NOL9: variants seen among roughly 807,000 people sequenced by gnomAD.
The protein encoded by NOL9 is nucleolar protein 9.
Under a neutral mutation model 67.9 loss-of-function variants are expected in NOL9, and 28 were observed. The ratio of observed to expected loss-of-function variants is 0.41; its 90% confidence interval spans 0.31 to 0.57. NOL9 has a LOEUF of 0.57. NOL9 is among the 20% of genes least tolerant of loss of function. The pLI is 0.25. For missense variants in NOL9, 777 were observed against 897.0 expected (o/e 0.87, Z 1.71); for synonymous variants, 356 against 352.2 (o/e 1.01, Z -0.12).
intron 9 of NOL9, 96 bp downstream of exon 9, chr1:6,531,872 A>C: frequency 1.2e-6 from 1 of 859,352 alleles, no homozygotes; most frequent in Non-Finnish European, 2.0e-6. Flanking sequence ...TAAATGAGCG[A>C]GGAGTTATGT....
rs375170298 is a variant in NOL9, at chr1:6,527,588, A to C, written c.1826-759T>G. On this transcript the variant is annotated intron_variant, in intron 10 of 11. Coordinates refer to ENST00000377705, the MANE Select transcript of NOL9 (RefSeq NM_024654.5). The stretch of plus-strand genomic sequence containing the variant: ...CTTGAACTCGGGAGGCAGAGGTTGC[A>C]GTGAGCCCAAATAGAGAGAGACTTT... Among the ~76,000 whole-genome samples the C allele has an allele frequency of 1.3e-4, 19 of 151,044 alleles. No homozygotes were observed. The East Asian group carries it at 2.1e-3, about 17-fold the overall frequency.
chr1:6,531,630 G>A (rs904606178), intron 9 of NOL9, among the ~76,000 whole-genome samples: 1 of 152,092 alleles, frequency 6.6e-6, no homozygotes, highest in Admixed American at 6.6e-5. Flanking sequence ...CGGAAAAGTG[G>A]AAGTGCTGGA....
chr1:6,524,350 C>T lies in NOL9; in HGVS notation c.*1504G>A, dbSNP rs996116760. On this transcript the variant is annotated 3_prime_UTR_variant, in exon 12 of 12. Transcript: ENST00000377705. The stretch of plus-strand genomic sequence containing the variant: ...TTCTGTCAAAGCGGTGGTCACAATA[C>T]CAGTTTGAACCTCAGCCCCAGGAAG... 6.6e-6 allele frequency: 1 copy of T among 152,066 alleles called. No homozygotes were observed. The allele number at this position is 152,066 out of a possible 1,614,324, so 9.4% of individuals were successfully genotyped here.
intron 3 of NOL9, chr1:6,548,279 T>G (rs1639465303): frequency 1.3e-5 from 2 of 157,470 alleles, no homozygotes; most frequent in African/African-American, 4.8e-5. Flanking sequence ...CTGGAGTAAC[T>G]GGGATTACAG....
At chr1:6,535,747 T>A (rs1381612485) in intron 6 of NOL9, among the ~76,000 whole-genome samples, 7 of 151,910 alleles carry the variant, frequency 4.6e-5, no homozygotes, top group Non-Finnish European at 1.0e-4. Flanking sequence ...GCCAACATGG[T>A]GAAACCCCAC....
chr1:6,540,335 G>T (rs1214380711), intron 6 of NOL9, among the ~76,000 whole-genome samples: 1 of 151,700 alleles, frequency 6.6e-6, no homozygotes, highest in East Asian at 2.0e-4. Flanking sequence ...TGTTAGCCAG[G>T]ATGGTCTCGA....
chr1:6,552,311 C>T (rs1639560597), intron 1 of NOL9, among the ~76,000 whole-genome samples: 1 of 152,150 alleles, frequency 6.6e-6, no homozygotes, highest in Admixed American at 6.5e-5. Context: ...CAGGCGTGAG[C>T]CACCACACCC....
chr1:6,541,322 C>T (rs771556403), intron 6 of NOL9, among the ~76,000 whole-genome samples: 4 of 152,116 alleles, frequency 2.6e-5, no homozygotes, highest in Non-Finnish European at 5.9e-5. Flanking sequence ...GCTGGGACTA[C>T]AGGCGTGCAC....
chr1:6,543,513 TATTTA>T (rs1427016999), intron 5 of NOL9, among the ~76,000 whole-genome samples: 1 of 152,114 alleles, frequency 6.6e-6, no homozygotes, highest in African/African-American at 2.4e-5. Context: ...TTTATTTATT[TATTTA>T]GAGACACAGT....
intron 1 of NOL9, among the ~76,000 whole-genome samples, chr1:6,552,011 G>C (rs1639552798): frequency 6.6e-6 from 1 of 152,076 alleles, no homozygotes; most frequent in South Asian, 2.1e-4. Flanking sequence ...CTCCAGCCTG[G>C]GCAACAGAGC....
chr1:6,538,722 C>T (rs375164979), intron 6 of NOL9, among the ~76,000 whole-genome samples: 3 of 151,342 alleles, frequency 2.0e-5, no homozygotes, highest in Admixed American at 6.6e-5. Flanking sequence ...GTGGCTCATG[C>T]CTGTAATCCC....
intron 3 of NOL9, among the ~76,000 whole-genome samples, chr1:6,545,866 A>T (rs1047492414): frequency 1.6e-5 from 2 of 128,042 alleles, no homozygotes; most frequent in Non-Finnish European, 3.1e-5. Flanking sequence ...GTGAGTCAAG[A>T]CTGTGGCACT....
intron 6 of NOL9, among the ~76,000 whole-genome samples, chr1:6,534,579 G>T (rs1010847498): frequency 1.3e-5 from 2 of 152,212 alleles, no homozygotes; most frequent in Middle Eastern, 3.2e-3. Flanking sequence ...TAAGGGCAGG[G>T]ATGTGGGGTA....
At chr1:6,539,174 G>A (rs1639221487) in intron 6 of NOL9, among the ~76,000 whole-genome samples, 1 of 152,212 alleles carries the variant, frequency 6.6e-6, no homozygotes, top group Non-Finnish European at 1.5e-5. Flanking sequence ...TGAGGATACG[G>A]AGAAATCAGA....
At chr1:6,548,534 G>A in intron 3 of NOL9, 1 of 331,852 alleles carries the variant, frequency 3.0e-6, no homozygotes, top group South Asian at 3.0e-5. Context: ...ACGTGTTCAG[G>A]ACAGGATCAA....
In NOL9 at chr1:6,524,374, A is replaced by G. The variant is rs1638834522; in HGVS notation, c.*1480T>C. The G allele has an allele frequency of 6.6e-6, 1 of 152,216 alleles. No homozygotes were observed. The highest frequency in any genetic ancestry group is 2.1e-4 in the South Asian group (1 of 4,828). 9.4% of individuals were successfully genotyped at this position (152,216 alleles called of 1,614,324 possible). On this transcript the variant is annotated 3_prime_UTR_variant, in exon 12 of 12. Transcript: ENST00000377705. The stretch of plus-strand genomic sequence containing the variant: ...ACCAGTTTGAACCTCAGCCCCAGGA[A>G]GTATCCTGCTGTCTTAAATGCAGAA...
intron 2 of NOL9, 81 bp downstream of exon 2, chr1:6,550,315 G>A: frequency 2.4e-6 from 3 of 1,244,544 alleles, no homozygotes; most frequent in South Asian, 1.2e-5. Context: ...ATAGGCGTGA[G>A]CCACCGCGCC....
rs752264547 is a variant in NOL9 at position 6,554,174 on chromosome 1, G to A, written c.329C>T (p.Pro110Leu). 5.6e-5 allele frequency: 85 copies of A among 1,524,822 alleles called. No homozygotes were observed. The highest frequency in any genetic ancestry group is 1.9e-5 in the Non-Finnish European group (22 of 1,135,732). The allele number at this position is 1,524,822 out of a possible 1,614,324, so 94.5% of individuals were successfully genotyped here. ...ELESASSCHR[P>L]LLIPPVRPVG... Reference sequence around the variant, plus strand: ...GGGCCGCACCGGTGGGATGAGGAGAGGCCGGTGGCAACTCGAGGCGGATTC... The same window carrying A: ...GGGCCGCACCGGTGGGATGAGGAGAAGCCGGTGGCAACTCGAGGCGGATTC... The change falls in exon 1 of 12, where the codon CCT becomes CTT. Residue 110 changes from proline to leucine, a missense_variant. By Grantham distance (98) the Pro-to-Leu change is moderately conservative. This residue lies in a region of NOL9 where 364 missense variants were observed against 344.4 expected (regional missense o/e 1.06). Coordinates refer to ENST00000377705, the MANE Select transcript of NOL9 (RefSeq NM_024654.5).
At chr1:6,545,685 C>T (rs1639404926) in intron 3 of NOL9, among the ~76,000 whole-genome samples, 1 of 151,356 alleles carries the variant, frequency 6.6e-6, no homozygotes, top group East Asian at 1.9e-4. Flanking sequence ...CAGCTCACCA[C>T]AGAAGAGGAT....
Sources: allele counts gnomAD v4.1 joint callset (sites outside exome capture counted in the v4.1 genomes callset), GRCh38; gene constraint gnomAD v4.1.1; regional missense constraint gnomAD v4.1.1; transcripts MANE v1.5; gene names NCBI Gene and HGNC (gene_info 2026-07-23, HGNC 2026-07-21).